AKIP1: variants seen among roughly 807,000 people sequenced by gnomAD.
AKIP1 encodes A-kinase-interacting protein 1.
Under a neutral mutation model 22.3 loss-of-function variants are expected in AKIP1, and 18 were observed. The ratio of observed to expected loss-of-function variants is 0.81; its 90% CI spans 0.56 to 1.19. The LOEUF is 1.19. Among genes scored for constraint, AKIP1 ranks in the 50% most tolerant of loss-of-function variants. The probability of loss-of-function intolerance (pLI) is 0.00; values close to 1 mark genes in which losing one functional copy is unlikely to be tolerated. For missense variants in AKIP1, 287 were observed against 264.6 expected, an observed-to-expected ratio of 1.08 and a Z score of -0.59; for synonymous variants, 120 against 102.7, an observed-to-expected ratio of 1.17 and a Z score of -1.02.
At position 8,919,900 on chromosome 11, in the gene AKIP1, G is replaced by A. The variant is rs1253012658; in HGVS notation, c.*420G>A. 1 of 171,360 alleles carries A rather than the reference G, an allele frequency of 5.8e-6. No homozygotes were observed. The highest frequency in any genetic ancestry group is 1.6e-4 in the East Asian group (1 of 6,118). The allele number at this position is 171,360 out of a possible 1,614,324, so 10.6% of individuals were successfully genotyped here. On this transcript the variant is annotated 3_prime_UTR_variant, in exon 6 of 6. Coordinates refer to ENST00000309377, the MANE Select transcript of AKIP1 (RefSeq NM_020642.4). The stretch of plus-strand genomic sequence containing the variant: ...GATCCACCCACCTTGGCCTCCCAAA[G>A]TGTTGGGATTACAGGCGTGAGCCAC...
rs192899815 is a variant in AKIP1, at chr11:8,919,533, C to T, written c.*53C>T. The T allele has an allele frequency of 1.3e-6, 2 of 1,580,500 alleles. No individual in the cohort carries two copies. Among genetic ancestry groups the T allele is most frequent in the African/African-American group, 1.4e-5 (1 of 74,000 alleles). ...CTTTTTTTAAGTAGTAAGAATAAAG[C>T]CACTGTATGATTCTCTTAATAGCTA... On this transcript the variant is annotated 3_prime_UTR_variant, in exon 6 of 6. Coordinates refer to ENST00000309377, the MANE Select transcript of AKIP1 (RefSeq NM_020642.4).
At chr11:8,918,565 G>C (rs1259178934) in intron 5 of AKIP1, among the ~76,000 whole-genome samples, 1 of 152,164 alleles carries the variant, frequency 6.6e-6, no homozygotes, top group Non-Finnish European at 1.5e-5. Context: ...TGGCATCCCA[G>C]GTGTCACTCT....
chr11:8,917,383 C>T lies in AKIP1; in HGVS notation c.489+16C>T, dbSNP rs1465429527. 2 of 1,604,312 alleles carry T rather than the reference C, an allele frequency of 1.2e-6. No homozygotes were observed. Among genetic ancestry groups the T allele is most frequent in the African/African-American group, 1.3e-5 (1 of 74,672 alleles). On this transcript the variant is annotated intron_variant, in intron 5 of 5. Coordinates refer to ENST00000309377, the MANE Select transcript of AKIP1 (RefSeq NM_020642.4). ...ATCCCAGCCTGTGAGTACGGAACTG[C>T]TTACGCACTGGGTTTCACCACCGTT...
rs2064547584 is a variant in AKIP1, at chr11:8,919,633, T to C, written c.*153T>C. On this transcript the variant is annotated 3_prime_UTR_variant, in exon 6 of 6. Transcript: ENST00000309377. Reference sequence around the variant, plus strand: ...GAGTCTGTCTCTTTCAGTGCTTTTTTGTTTGTTTGGTTGGTTTTTTTTTGA... The same window carrying C: ...GAGTCTGTCTCTTTCAGTGCTTTTTCGTTTGTTTGGTTGGTTTTTTTTTGA... 1 of 852,616 alleles carries C rather than the reference T, an allele frequency of 1.2e-6. No homozygotes were observed. Among genetic ancestry groups the C allele is most frequent in the Non-Finnish European group, 1.8e-6 (1 of 559,714 alleles). The allele number at this position is 852,616 out of a possible 1,614,324, so 52.8% of individuals were successfully genotyped here.
chr11:8,915,194 G>A (rs1474312437), intron 4 of AKIP1, among the ~76,000 whole-genome samples: 1 of 152,064 alleles, frequency 6.6e-6, no homozygotes, highest in Admixed American at 6.5e-5. Flanking sequence ...TCTCCAGCAG[G>A]TTTAAAGAAA....
chr11:8,916,581 T>C (rs922589924), intron 4 of AKIP1, among the ~76,000 whole-genome samples: 1 of 152,094 alleles, frequency 6.6e-6, no homozygotes, highest in Non-Finnish European at 1.5e-5. Flanking sequence ...CTGTCAGCCA[T>C]TTTGGGGTGT....
intron 1 of AKIP1, 60 bp downstream of exon 1, chr11:8,911,283 A>G (rs990647720): frequency 4.5e-5 from 28 of 626,306 alleles, no homozygotes; most frequent in African/African-American, 4.2e-4. Flanking sequence ...CGGGCGCGCT[A>G]GGCCTAGTCC....
Position 8,919,346 on chromosome 11 carries a change from A to T in AKIP1, c.499A>T (p.Ile167Phe). Residue 167 changes from isoleucine to phenylalanine, a missense_variant, in exon 6 of 6, where the codon ATC (isoleucine) becomes TTC (phenylalanine). Transcript: ENST00000309377. Reference protein sequence around the residue: ...APEASQPAENISKDLYIEVYP... With the variant: ...APEASQPAENFSKDLYIEVYP... ...CCTCTTTTCCTTCTAGGCTGAGAAC[A>T]TCTCTAAGGACCTCTACATAGAAGT... The T allele has an allele frequency of 6.2e-7, 1 of 1,612,332 alleles. No individual in the cohort carries two copies.
Position 8,915,164 on chromosome 11 carries a change from G to A in AKIP1, c.408+234G>A, listed in dbSNP as rs369740722. 2.5e-4 allele frequency among the ~76,000 whole-genome samples: 38 copies of A among 152,202 alleles called. No individual in the cohort carries two copies. The East Asian group carries it at 3.9e-3, about 15-fold the overall frequency. On this transcript the variant is annotated intron_variant, in intron 4 of 5. Transcript: ENST00000309377. ...CACTGTAGGATCTTTAGTTGAACCT[G>A]CAGTCCTGGGCCATGGGATTCTCCA...
At chr11:8,919,173 C>T (rs1008687863) in intron 5 of AKIP1, among the ~76,000 whole-genome samples, 164 bp from the exon 6 acceptor site, 1 of 152,188 alleles carries the variant, frequency 6.6e-6, no homozygotes, top group African/African-American at 2.4e-5. Flanking sequence ...ACCAAAATGA[C>T]AGTGTTGTAC....
intron 5 of AKIP1, 65 bp from the exon 6 acceptor site, chr11:8,919,272 T>TG: frequency 2.0e-6 from 3 of 1,506,644 alleles, no homozygotes; most frequent in East Asian, 2.3e-5. Context: ...GGTAGCCTGC[T>TG]GGGGGGCCAT....
chr11:8,914,887 G>T lies in AKIP1; in HGVS notation c.365G>T (p.Gly122Val), dbSNP rs141384258. ...GATHVYRYHR[G>V]ESKLHMCLDI... ...ACCCATGTCTATCGTTATCACAGAG[G>T]CGAGTCGAAGCTGCACATGTGCTTG... Residue 122 changes from glycine (G) to valine (V), a missense_variant, in exon 4 of 6, where the codon GGC becomes GTC. Coordinates refer to ENST00000309377, the MANE Select transcript of AKIP1 (RefSeq NM_020642.4). 7.7e-5 allele frequency: 124 copies of T among 1,613,856 alleles called. 1 individual carries two copies. The South Asian group carries it at 8.1e-4, about 11-fold the overall frequency.
intron 4 of AKIP1, among the ~76,000 whole-genome samples, chr11:8,916,548 G>A (rs1004161766): frequency 1.3e-5 from 2 of 152,198 alleles, no homozygotes; most frequent in Non-Finnish European, 2.9e-5. Flanking sequence ...CAGAGTCTAA[G>A]TTGGATTCCT....
chr11:8,915,849 A>G (rs1365873554), intron 4 of AKIP1, among the ~76,000 whole-genome samples: 1 of 133,840 alleles, frequency 7.5e-6, no homozygotes, highest in Non-Finnish European at 1.6e-5. Flanking sequence ...GTGGAGTCAC[A>G]GTCTTGCTCT....
rs375798637 is a variant in AKIP1, at chr11:8,911,429, T to C, written c.-6-15T>C. ...AGCTGACCCGCCGGCGTTTGTACGT[T>C]GTGTGCCCACTCAGGGAGCCATGGA... On this transcript the variant is annotated splice_polypyrimidine_tract_variant and intron_variant, in intron 1 of 5. Transcript: ENST00000309377. 819 of 1,565,878 alleles carry C rather than the reference T, an allele frequency of 5.2e-4. No homozygotes were observed. Among genetic ancestry groups the C allele is most frequent in the Non-Finnish European group, 6.6e-4 (766 of 1,155,398 alleles).
chr11:8,919,689 T>A lies in AKIP1; in HGVS notation c.*209T>A, dbSNP rs896096781. 1 of 492,948 alleles carries A rather than the reference T, an allele frequency of 2.0e-6. No homozygotes were observed. Among genetic ancestry groups the A allele is most frequent in the Non-Finnish European group, 3.6e-6 (1 of 281,110 alleles). The allele number at this position is 492,948 out of a possible 1,614,324, so 30.5% of individuals were successfully genotyped here. On this transcript the variant is annotated 3_prime_UTR_variant, in exon 6 of 6. Coordinates refer to ENST00000309377, the MANE Select transcript of AKIP1 (RefSeq NM_020642.4). ...TCTCACTCTGTTGCCCAGGCTGGAG[T>A]GCAGTGGCGTGATCTCGGCTCACTG...
chr11:8,912,539 T>C lies in AKIP1; in HGVS notation c.303+6T>C. The C allele has an allele frequency of 6.2e-7, 1 of 1,613,282 alleles. No homozygotes were observed. Among genetic ancestry groups the C allele is most frequent in the Non-Finnish European group, 8.5e-7 (1 of 1,179,262 alleles). ...ATACTTCAAGTCAGTGTGGGGTAAG[T>C]TGGTGTGAACCAAAACTATGCCCCA... is the stretch of plus-strand genomic sequence containing the variant. On this transcript the variant is annotated splice_donor_region_variant and intron_variant, in intron 3 of 5. Coordinates refer to ENST00000309377, the MANE Select transcript of AKIP1 (RefSeq NM_020642.4).
chr11:8,912,198 C>CAA (rs57540447), intron 2 of AKIP1, among the ~76,000 whole-genome samples: 28 of 79,588 alleles, frequency 3.5e-4, no homozygotes, highest in African/African-American at 1.1e-3. Context: ...ACCTCCGTCT[C>CAA]AAAAAAAAAA....
rs1226427345 is a variant in AKIP1, at chr11:8,914,830, A to G, written c.308A>G (p.Tyr103Cys). 3 of 1,608,050 alleles carry G rather than the reference A, an allele frequency of 1.9e-6. No individual in the cohort carries two copies. Among genetic ancestry groups the G allele is most frequent in the Non-Finnish European group, 2.6e-6 (3 of 1,175,326 alleles). The change falls in exon 4 of 6, where the codon TAT becomes TGT. Residue 103 changes from tyrosine (Y) to cysteine (C), a missense_variant. Tyr to Cys is a radical substitution (Grantham distance 194). Transcript: ENST00000309377. ...MDYTSSQCGKYYSSVPEEGGA... is the reference protein window; with the variant it reads ...MDYTSSQCGKCYSSVPEEGGA... ...TCTTTGACATTACGTCTCTAGAAAT[A>G]TTATTCATCTGTGCCAGAGGAAGGA...
Sources: allele counts gnomAD v4.1 joint callset (sites outside exome capture counted in the v4.1 genomes callset), GRCh38; gene constraint gnomAD v4.1.1; transcripts MANE v1.5; gene names NCBI Gene and HGNC (gene_info 2026-07-23, HGNC 2026-07-21).